DCSTAMP: variants seen among roughly 807,000 people sequenced by gnomAD.
DCSTAMP encodes the protein dendrocyte expressed seven transmembrane protein.
Under a neutral mutation model 33.8 loss-of-function variants are expected in DCSTAMP, and 25 were observed. The observed-to-expected ratio is 0.74, with a 90% CI of 0.54 to 1.03. The LOEUF (loss-of-function observed/expected upper bound fraction) is 1.03, where lower values mean the gene tolerates loss of function less well. Among genes scored for constraint, DCSTAMP ranks in the 50% least tolerant of loss-of-function variants. The pLI is 0.00. For synonymous variants in DCSTAMP, 245 were observed against 216.7 expected, an observed-to-expected ratio of 1.13 and a Z score of -1.15; for missense variants, 531 against 556.8, an observed-to-expected ratio of 0.95 and a Z score of 0.47.
chr8:104,348,982 T>A lies in DCSTAMP; in HGVS notation c.430T>A (p.Tyr144Asn). 1 of 1,614,176 alleles carries A rather than the reference T, an allele frequency of 6.2e-7. No homozygotes were observed. The highest frequency in any genetic ancestry group is 1.6e-4 in the Middle Eastern group (1 of 6,062). Residue 144 changes from tyrosine to asparagine, a missense_variant, in exon 2 of 4, where the codon TAT becomes AAT. By Grantham distance (143) the Tyr-to-Asn change is moderately radical. Transcript: ENST00000297581. ...CATACATTTTCCACTTTTGAAAAAA[T>A]ATATTGAGGCAATTCAGTGGATTTA... The part of the protein sequence containing the change: ...FSIHFPLLKK[Y>N]IEAIQWIYGL...
At chr8:104,350,605 T>C (rs1280045719) in intron 2 of DCSTAMP, among the ~76,000 whole-genome samples, 2 of 152,222 alleles carry the variant, frequency 1.3e-5, no homozygotes, top group East Asian at 1.9e-4. Context: ...TAAATGTGTG[T>C]TAAGAATTTC....
At chr8:104,355,543 T>G (rs1810600294) in intron 3 of DCSTAMP, among the ~76,000 whole-genome samples, 1 of 152,314 alleles carries the variant, frequency 6.6e-6, no homozygotes, top group Admixed American at 6.5e-5. Flanking sequence ...AAATGTCTAC[T>G]ATAGCTTTGT....
At chr8:104,345,138 C>T (rs963974808) in intron 1 of DCSTAMP, among the ~76,000 whole-genome samples, 3 of 151,896 alleles carry the variant, frequency 2.0e-5, no homozygotes, top group South Asian at 2.1e-4. Context: ...TCAATCTTTG[C>T]CTAAAGAGCA....
chr8:104,349,024 C>G lies in DCSTAMP; in HGVS notation c.472C>G (p.Leu158Val). The change falls in exon 2 of 4, where the codon CTA (leucine) becomes GTA (valine). Residue 158 changes from leucine (L) to valine (V), a missense_variant. Leu to Val is a conservative substitution (Grantham distance 32, BLOSUM62 1). Coordinates refer to ENST00000297581, the MANE Select transcript of DCSTAMP (RefSeq NM_030788.4). The stretch of plus-strand genomic sequence containing the variant: ...GTGGATTTATGGCCTTGCCACTCCA[C>G]TAAGTGTATTTGATGACCTTGTTTC... ...IQWIYGLATP[L>V]SVFDDLVSWN... is the part of the protein sequence containing the mutation. 6.2e-7 allele frequency: 1 copy of G among 1,614,232 alleles called. No homozygotes were observed.
intron 1 of DCSTAMP, among the ~76,000 whole-genome samples, chr8:104,346,437 G>A (rs1467342932): frequency 6.6e-6 from 1 of 152,204 alleles, no homozygotes; most frequent in East Asian, 1.9e-4. Context: ...CAGCACAGGG[G>A]CCTATGGTAA....
chr8:104,343,300 G>A (rs1564063259), intron 1 of DCSTAMP, among the ~76,000 whole-genome samples: 1 of 152,158 alleles, frequency 6.6e-6, no homozygotes, highest in Non-Finnish European at 1.5e-5. Flanking sequence ...ATAGTACAGG[G>A]TTAGAAAGCG....
At chr8:104,350,506 T>C (rs955802175) in intron 2 of DCSTAMP, among the ~76,000 whole-genome samples, 1 of 152,222 alleles carries the variant, frequency 6.6e-6, no homozygotes, top group African/African-American at 2.4e-5. Context: ...AAATGGCTGG[T>C]GCTAGTAGCT....
At chr8:104,355,568 T>G (rs1810601250) in intron 3 of DCSTAMP, among the ~76,000 whole-genome samples, 1 of 152,162 alleles carries the variant, frequency 6.6e-6, no homozygotes, top group South Asian at 2.1e-4. Context: ...GCCAAAGAAT[T>G]TGTTCATTTT....
At position 104,354,213 on chromosome 8, in the gene DCSTAMP, G is replaced by T. The variant is rs148459901; in HGVS notation, c.1030-664G>T. Among the ~76,000 whole-genome samples, 138 of 152,270 alleles carry T rather than the reference G, an allele frequency of 9.1e-4. 1 individual carries two copies. Among genetic ancestry groups the T allele is most frequent in the African/African-American group, 3.2e-3 (132 of 41,554 alleles). ...TGATTTCAGAGTCTCCTTCAATAATGTGGGCTAGAGGGCCAACGTATCAAC... is the reference window on the plus strand; with the variant it reads ...TGATTTCAGAGTCTCCTTCAATAATTTGGGCTAGAGGGCCAACGTATCAAC... On this transcript the variant is annotated intron_variant, in intron 2 of 3. Transcript: ENST00000297581.
intron 1 of DCSTAMP, among the ~76,000 whole-genome samples, chr8:104,348,113 G>A (rs563142936): frequency 1.3e-5 from 2 of 152,184 alleles, no homozygotes; most frequent in Non-Finnish European, 2.9e-5. Flanking sequence ...CAGCATTGCA[G>A]GCCCATTTTA....
Position 104,349,447 on chromosome 8 carries a change from C to T in DCSTAMP, c.895C>T (p.Pro299Ser). The T allele has an allele frequency of 1.2e-6, 2 of 1,614,154 alleles. No homozygotes were observed. Among genetic ancestry groups the T allele is most frequent in the Non-Finnish European group, 1.7e-6 (2 of 1,180,026 alleles). The change falls in exon 2 of 4, where the codon CCC (proline) becomes TCC (serine). Residue 299 changes from proline (P) to serine (S), a missense_variant. Pro to Ser is a moderately conservative substitution (Grantham distance 74). Coordinates refer to ENST00000297581, the MANE Select transcript of DCSTAMP (RefSeq NM_030788.4). ...ERKNLGLFFL[P>S]ILIHLCIWVL... ...GAAAAACCTGGGGCTGTTTTTCCTC[C>T]CCATACTTATCCATCTCTGCATCTG...
chr8:104,348,471 C>T (rs1368161744), intron 1 of DCSTAMP, 70 bp from the exon 2 acceptor site: 12 of 1,472,398 alleles, frequency 8.1e-6, no homozygotes, highest in Non-Finnish European at 1.0e-5. Context: ...CAGTCTACCA[C>T]CATGGCCTTT....
chr8:104,348,976 A>C lies in DCSTAMP; in HGVS notation c.424A>C (p.Lys142Gln). 1 of 1,614,204 alleles carries C rather than the reference A, an allele frequency of 6.2e-7. No homozygotes were observed. Among genetic ancestry groups the C allele is most frequent in the Non-Finnish European group, 8.5e-7 (1 of 1,180,032 alleles). The change falls in exon 2 of 4, where the codon AAA becomes CAA. Residue 142 changes from lysine to glutamine, a missense_variant. Coordinates refer to ENST00000297581, the MANE Select transcript of DCSTAMP (RefSeq NM_030788.4). ...KSFSIHFPLL[K>Q]KYIEAIQWIY... ...CTTTTCCATACATTTTCCACTTTTG[A>C]AAAAATATATTGAGGCAATTCAGTG...
chr8:104,355,094 G>C lies in DCSTAMP; in HGVS notation c.1247G>C (p.Arg416Pro). Reference protein sequence around the residue: ...ASFYPSVERKRIQYLHAKLLK... With the variant: ...ASFYPSVERKPIQYLHAKLLK... Reference sequence around the variant, plus strand: ...TTCTACCCCAGCGTGGAGAGGAAGCGCATCCAATATCTGCATGCAAAGCTG... The same window carrying C: ...TTCTACCCCAGCGTGGAGAGGAAGCCCATCCAATATCTGCATGCAAAGCTG... The change falls in exon 3 of 4, where the codon CGC becomes CCC. Residue 416 changes from arginine (R) to proline (P), a missense_variant. By Grantham distance (103) the Arg-to-Pro change is moderately radical (BLOSUM62 -2). Coordinates refer to ENST00000297581, the MANE Select transcript of DCSTAMP (RefSeq NM_030788.4). The C allele has an allele frequency of 3.1e-6, 5 of 1,613,994 alleles. No homozygotes were observed. The highest frequency in any genetic ancestry group is 4.2e-6 in the Non-Finnish European group (5 of 1,179,984).
rs1328320293 is a variant in DCSTAMP, at chr8:104,356,395, T to C, written c.*197T>C. On this transcript the variant is annotated 3_prime_UTR_variant, in exon 4 of 4. Transcript: ENST00000297581. ...CAAAGAGCTGCCAGGTAAATGGTTA[T>C]GTGGTCTATGTTCCAAACAAACCAC... The C allele has an allele frequency of 1.3e-5, 6 of 449,932 alleles. No individual in the cohort carries two copies. Among genetic ancestry groups the C allele is most frequent in the Admixed American group, 8.5e-5 (2 of 23,570 alleles). The allele number at this position is 449,932 out of a possible 1,614,324, so 27.9% of individuals were successfully genotyped here. A position where few individuals can be genotyped will look rare whatever the true frequency, so the allele number is the denominator to read the frequency against.
chr8:104,347,830 A>G (rs1182465297), intron 1 of DCSTAMP, among the ~76,000 whole-genome samples: 1 of 152,150 alleles, frequency 6.6e-6, no homozygotes, highest in Non-Finnish European at 1.5e-5. Context: ...ATTACCTCGC[A>G]TGGTAAAAGG....
chr8:104,354,369 G>A (rs1447606350), intron 2 of DCSTAMP, among the ~76,000 whole-genome samples: 6 of 152,154 alleles, frequency 3.9e-5, no homozygotes, highest in African/African-American at 1.4e-4. Context: ...GGGAGGATAT[G>A]ATGGGGTCCT....
chr8:104,352,647 A>G (rs1810494303), intron 2 of DCSTAMP, among the ~76,000 whole-genome samples: 1 of 152,054 alleles, frequency 6.6e-6, no homozygotes, highest in African/African-American at 2.4e-5. Context: ...CAGCTTTCCA[A>G]TGACAATGCC....
chr8:104,350,263 T>G (rs2140474844), intron 2 of DCSTAMP, among the ~76,000 whole-genome samples: 1 of 152,312 alleles, frequency 6.6e-6, no homozygotes, highest in African/African-American at 2.4e-5. Flanking sequence ...TCTCTGAGGT[T>G]GAACATGAAG....
Sources: allele counts gnomAD v4.1 joint callset (sites outside exome capture counted in the v4.1 genomes callset), GRCh38; gene constraint gnomAD v4.1.1; transcripts MANE v1.5; gene names NCBI Gene and HGNC (gene_info 2026-07-23, HGNC 2026-07-21).